Variants in KICS2 observed in about 807,000 individuals in gnomAD.
The protein encoded by KICS2 is KICSTOR subunit 2.
A neutral mutation model predicts 31.4 loss-of-function variants in KICS2; 13 were observed. The observed-to-expected ratio is 0.41, with a 90% CI of 0.27 to 0.66. The LOEUF (loss-of-function observed/expected upper bound fraction) is 0.66. Among genes scored for constraint, KICS2 ranks in the 30% least tolerant of loss-of-function variants. The probability of loss-of-function intolerance (pLI) is 0.28; values close to 1 mark genes in which losing one functional copy is unlikely to be tolerated. For synonymous variants in KICS2, 209 were observed against 214.8 expected (o/e 0.97, Z 0.24); for missense variants, 455 against 545.4 (o/e 0.83, Z 1.65).
chr12:64,191,152 C>T lies in KICS2; in HGVS notation c.*2690G>A, dbSNP rs566106006. 30 of 152,292 alleles carry T rather than the reference C, an allele frequency of 2.0e-4. 1 individual carries two copies. In the South Asian group the frequency reaches 5.2e-3, roughly 26 times the overall value. The allele number at this position is 152,292 out of a possible 1,614,324, so 9.4% of individuals were successfully genotyped here. A position where few individuals can be genotyped will look rare whatever the true frequency, so the allele number is the denominator to read the frequency against. ...TCATTACTATATTTAGAGAATAAAT[C>T]TTAGAGTAAAATGACTTTGTTTCTT... On this transcript the variant is annotated 3_prime_UTR_variant, in exon 3 of 3. Coordinates refer to ENST00000398055, the MANE Select transcript of KICS2 (RefSeq NM_152440.5).
intron 2 of KICS2, among the ~76,000 whole-genome samples, chr12:64,212,679 T>C (rs1180085900): frequency 1.3e-5 from 2 of 152,236 alleles, no homozygotes; most frequent in Non-Finnish European, 2.9e-5. Context: ...TATGTTTTCA[T>C]TTTTCTTGGA....
chr12:64,196,336 G>A lies in KICS2; in HGVS notation c.522-1678C>T, dbSNP rs866655184. ...AACTGGGAGGCACCCCCCAGCAGGG[G>A]CAGACTGACACCTCACACGGCAGGG... On this transcript the variant is annotated intron_variant, in intron 2 of 2. Transcript: ENST00000398055. 7.9e-3 allele frequency among the ~76,000 whole-genome samples: 1,202 copies of A among 151,874 alleles called. 26 individuals carry two copies. Among genetic ancestry groups the A allele is most frequent in the African/African-American group, 0.027 (1,121 of 41,202 alleles).
chr12:64,208,748 AT>A (rs1487032478), intron 2 of KICS2, among the ~76,000 whole-genome samples: 1 of 152,198 alleles, frequency 6.6e-6, no homozygotes, highest in African/African-American at 2.4e-5. Flanking sequence ...TGTTATTTAA[AT>A]TCTAGCTATA....
In KICS2 at chr12:64,193,134, T is replaced by A. The variant is rs1392171015; in HGVS notation, c.*708A>T. The A allele has an allele frequency of 7.1e-6, 7 of 984,938 alleles. No homozygotes were observed. The highest frequency in any genetic ancestry group is 2.4e-6 in the Non-Finnish European group (2 of 829,842). 61.0% of individuals were successfully genotyped at this position (984,938 alleles called of 1,614,324 possible). A position where few individuals can be genotyped will look rare whatever the true frequency, so the allele number is the denominator to read the frequency against. On this transcript the variant is annotated 3_prime_UTR_variant, in exon 3 of 3. Coordinates refer to ENST00000398055, the MANE Select transcript of KICS2 (RefSeq NM_152440.5). The stretch of plus-strand genomic sequence containing the variant: ...GGCTTATGCTGACTTTACAACAGAG[T>A]GAAACATTCAAACATTAAAGAAGTC...
At chr12:64,198,973 C>G (rs2136692057) in intron 2 of KICS2, among the ~76,000 whole-genome samples, 1 of 147,726 alleles carries the variant, frequency 6.8e-6, no homozygotes, top group South Asian at 2.2e-4. Context: ...GTTTACCAAC[C>G]AAAAAGAGTC....
chr12:64,197,102 C>T (rs2037447950), intron 2 of KICS2, among the ~76,000 whole-genome samples: 2 of 94,758 alleles, frequency 2.1e-5, no homozygotes, highest in Middle Eastern at 4.6e-3. Flanking sequence ...ACAGAGAACG[C>T]CACAAAGATA....
Position 64,193,928 on chromosome 12 carries a change from G to A in KICS2, c.1252C>T (p.His418Tyr). Reference sequence around the variant, plus strand: ...ACCTCATTGAGGAAGGAAATAAAGTGGGAGTCTCTCTCAGATTTCTTTGAC... The same window carrying A: ...ACCTCATTGAGGAAGGAAATAAAGTAGGAGTCTCTCTCAGATTTCTTTGAC... ...FESKKSERDS[H>Y]FISFLNEVSL... The change falls in exon 3 of 3, where the codon CAC becomes TAC. Residue 418 changes from histidine (H) to tyrosine (Y), a missense_variant. By Grantham distance (83) the His-to-Tyr change is moderately conservative. Coordinates refer to ENST00000398055, the MANE Select transcript of KICS2 (RefSeq NM_152440.5). 2 of 1,614,232 alleles carry A rather than the reference G, an allele frequency of 1.2e-6. No individual in the cohort carries two copies. Among genetic ancestry groups the A allele is most frequent in the East Asian group, 2.2e-5 (1 of 44,892 alleles).
At chr12:64,207,301 CAAAAAAAAAAA>C (rs35532711) in intron 2 of KICS2, among the ~76,000 whole-genome samples, 1 of 57,344 alleles carries the variant, frequency 1.7e-5, no homozygotes, top group Non-Finnish European at 3.2e-5. Flanking sequence ...CAACTCGTCT[CAAAAAAAAAAA>C]AAAAAAAAAA....
chr12:64,195,942 A>T (rs1010731075), intron 2 of KICS2, among the ~76,000 whole-genome samples: 1 of 152,094 alleles, frequency 6.6e-6, no homozygotes, highest in Non-Finnish European at 1.5e-5. Flanking sequence ...CCTGGCTTGG[A>T]GGGTCCTATG....
chr12:64,212,125 C>T (rs2136703355), intron 2 of KICS2, among the ~76,000 whole-genome samples: 1 of 145,846 alleles, frequency 6.9e-6, no homozygotes, highest in African/African-American at 2.5e-5. Context: ...GTTATATGTT[C>T]ATTGTACAGT....
At chr12:64,209,388 C>T (rs2037565159) in intron 2 of KICS2, among the ~76,000 whole-genome samples, 1 of 152,016 alleles carries the variant, frequency 6.6e-6, no homozygotes, top group Non-Finnish European at 1.5e-5. Context: ...GGTTCAAGAC[C>T]AGCCTGGCCA....
rs936482678 is a variant in KICS2 at position 64,222,253 on chromosome 12, G to C, written c.-16C>G. 2.5e-6 allele frequency: 4 copies of C among 1,612,320 alleles called. No individual in the cohort carries two copies. The highest frequency in any genetic ancestry group is 1.7e-4 in the Middle Eastern group (1 of 6,010). ...ACTCCCCCATGCGAGCTGCGCCCCA[G>C]CTCGACCCACGTGGCTCTCCTCGGC... On this transcript the variant is annotated 5_prime_UTR_variant, in exon 1 of 3. Coordinates refer to ENST00000398055, the MANE Select transcript of KICS2 (RefSeq NM_152440.5).
intron 1 of KICS2, among the ~76,000 whole-genome samples, chr12:64,219,620 C>A (rs533429445): frequency 1.1e-4 from 16 of 152,142 alleles, no homozygotes; most frequent in African/African-American, 3.9e-4. Context: ...TAAGTATTCT[C>A]ACAATATACA....
At chr12:64,221,029 T>G (rs2037676819) in intron 1 of KICS2, among the ~76,000 whole-genome samples, 1 of 149,292 alleles carries the variant, frequency 6.7e-6, no homozygotes, top group African/African-American at 2.5e-5. Context: ...CCCTGTCTCT[T>G]GAGTGTTTAC....
intron 1 of KICS2, among the ~76,000 whole-genome samples, chr12:64,216,766 TCA>T (rs1210013288): frequency 1.2e-4 from 18 of 152,182 alleles, no homozygotes; most frequent in African/African-American, 4.3e-4. Context: ...AGCATAGATA[TCA>T]TTTACTCACT....
Position 64,193,299 on chromosome 12 carries a change from A to T in KICS2, c.*543T>A. On this transcript the variant is annotated 3_prime_UTR_variant, in exon 3 of 3. Coordinates refer to ENST00000398055, the MANE Select transcript of KICS2 (RefSeq NM_152440.5). ...CTTTCAGTTTCAATAACTGATAGAA[A>T]TTTCTTACCAAGACCCTAATTTTGG... 1 of 985,976 alleles carries T rather than the reference A, an allele frequency of 1.0e-6. No individual in the cohort carries two copies. The highest frequency in any genetic ancestry group is 1.2e-6 in the Non-Finnish European group (1 of 830,388). The allele number at this position is 985,976 out of a possible 1,614,324, so 61.1% of individuals were successfully genotyped here.
downstream of KICS2, among the ~76,000 whole-genome samples, chr12:64,189,861 A>AAT (rs1281685640): frequency 6.6e-6 from 1 of 152,216 alleles, no homozygotes; most frequent in Non-Finnish European, 1.5e-5. Flanking sequence ...AGGGCTCCAA[A>AAT]ATACAGGATG....
intron 2 of KICS2, among the ~76,000 whole-genome samples, chr12:64,201,779 G>T (rs938208435): frequency 4.0e-5 from 6 of 151,858 alleles, no homozygotes; most frequent in East Asian, 1.9e-4. Context: ...GGGTGGGGGG[G>T]CAAGGTTGCA....
At chr12:64,197,588 G>T (rs374734877) in intron 2 of KICS2, among the ~76,000 whole-genome samples, 25 of 150,866 alleles carry the variant, frequency 1.7e-4, no homozygotes, top group Non-Finnish European at 3.2e-4. Context: ...AGGATCAAAT[G>T]CACACATAAC....
Sources: allele counts gnomAD v4.1 joint callset (sites outside exome capture counted in the v4.1 genomes callset), GRCh38; gene constraint gnomAD v4.1.1; transcripts MANE v1.5; gene names NCBI Gene and HGNC (gene_info 2026-07-23, HGNC 2026-07-21).